The following AK7 variants were observed in gnomAD, a reference collection of about 807,000 sequenced individuals.
AK7 encodes ATP-AMP transphosphorylase 7.
In AK7, 78 loss-of-function variants were observed where a neutral mutation model predicts 96.6. The observed-to-expected ratio is 0.81, with a 90% CI of 0.67 to 0.97. The LOEUF (loss-of-function observed/expected upper bound fraction) is 0.97, where lower values mean the gene tolerates loss of function less well. AK7 is among the 50% of genes least tolerant of loss of function. The pLI, the probability that AK7 is intolerant of heterozygous loss-of-function variation, is 0.00. For synonymous variants in AK7, 302 were observed against 317.2 expected (o/e 0.95, Z 0.51); for missense variants, 855 against 887.9 (o/e 0.96, Z 0.47).
At chr14:96,393,414 CAG>C (rs1334320441) in intron 1 of AK7, among the ~76,000 whole-genome samples, 2 of 152,190 alleles carry the variant, frequency 1.3e-5, no homozygotes, top group African/African-American at 4.8e-5. Flanking sequence ...CCTTATAAAA[CAG>C]AAATTATTCT....
chr14:96,439,136 G>C (rs1026805744), intron 6 of AK7, among the ~76,000 whole-genome samples: 8 of 152,102 alleles, frequency 5.3e-5, no homozygotes, highest in African/African-American at 1.9e-4. Context: ...GTGATCATGG[G>C]GGAGGTCAGG....
intron 13 of AK7, among the ~76,000 whole-genome samples, chr14:96,472,287 G>A (rs769468477): frequency 6.6e-5 from 10 of 152,188 alleles, no homozygotes; most frequent in South Asian, 2.1e-4. Flanking sequence ...TCAGTCTCCC[G>A]AGTAGCTGGG....
At chr14:96,456,325 T>TC (rs774293220) in intron 10 of AK7, 22 bp from the exon 11 acceptor site, 3 of 1,605,272 alleles carry the variant, frequency 1.9e-6, no homozygotes, top group Non-Finnish European at 2.6e-6. Context: ...TGCTGTATGT[T>TC]CCTTACTCTC....
At chr14:96,409,968 C>A (rs1348402907) in intron 4 of AK7, among the ~76,000 whole-genome samples, 2 of 152,184 alleles carry the variant, frequency 1.3e-5, no homozygotes. Flanking sequence ...AGCGACATTG[C>A]CAGCGATTCC....
chr14:96,437,936 G>A (rs369947338), intron 6 of AK7, 21 bp downstream of exon 6: 128 of 1,602,868 alleles, frequency 8.0e-5, no homozygotes, highest in Middle Eastern at 1.6e-4. Flanking sequence ...CAATGATGAC[G>A]TGGAATGTTT....
At chr14:96,465,271 C>G (rs1894495321) in intron 12 of AK7, among the ~76,000 whole-genome samples, 1 of 152,026 alleles carries the variant, frequency 6.6e-6, no homozygotes, top group Non-Finnish European at 1.5e-5. Context: ...ACCATCCTAG[C>G]TAACATGGTG....
In AK7 at chr14:96,398,194, A is replaced by G. The variant is rs202102376; in HGVS notation, c.225A>G (p.Thr75=). ...EASSTKVKEG[T]FQIVGTLSKP... ...CCTCAACCAAAGTGAAGGAAGGCAC[A>G]TTCCAGATTGTGGGCACGCTGTCCA... Residue 75 remains threonine, a synonymous_variant, in exon 2 of 18, where the codon ACA becomes ACG. Coordinates refer to ENST00000267584, the MANE Select transcript of AK7 (RefSeq NM_152327.5). The G allele has an allele frequency of 5.0e-6, 8 of 1,614,140 alleles. No individual in the cohort carries two copies. The East Asian group carries it at 1.3e-4, about 27-fold the overall frequency.
chr14:96,418,438 C>T (rs1356881042), intron 4 of AK7, among the ~76,000 whole-genome samples: 5 of 149,116 alleles, frequency 3.4e-5, no homozygotes, highest in African/African-American at 1.2e-4. Context: ...CCTACCGCAT[C>T]CCCTACCAAT....
chr14:96,486,758 C>T (rs1895790433), intron 16 of AK7, 140 bp from the exon 17 acceptor site: 3 of 664,886 alleles, frequency 4.5e-6, no homozygotes, highest in Non-Finnish European at 7.3e-6. Context: ...TATGTCTTTT[C>T]TCTGCTGATT....
Position 96,392,273 on chromosome 14 carries a change from G to T in AK7, c.105+14G>T. On this transcript the variant is annotated intron_variant, in intron 1 of 17. Transcript: ENST00000267584. ...AACATCGGGAAGGTGAGCGGCGGCG[G>T]CGGCCCAGAGCCTCACGCCAGCTCT... is the stretch of plus-strand genomic sequence containing the variant. 1 of 1,600,182 alleles carries T rather than the reference G, an allele frequency of 6.2e-7. No homozygotes were observed. The highest frequency in any genetic ancestry group is 8.6e-7 in the Non-Finnish European group (1 of 1,167,878).
intron 10 of AK7, among the ~76,000 whole-genome samples, chr14:96,451,889 CAT>C (rs1893627151): frequency 6.6e-6 from 1 of 152,054 alleles, no homozygotes; most frequent in Non-Finnish European, 1.5e-5. Context: ...GCAAATTGCA[CAT>C]GATAGCAAGC....
At chr14:96,472,784 A>G in intron 14 of AK7, 29 bp downstream of exon 14, 3 of 1,580,984 alleles carry the variant, frequency 1.9e-6, no homozygotes, top group Non-Finnish European at 2.6e-6. Flanking sequence ...GATCACATTT[A>G]AAAGAATGTT....
At chr14:96,392,686 C>T (rs1263664372) in intron 1 of AK7, among the ~76,000 whole-genome samples, 2 of 151,274 alleles carry the variant, frequency 1.3e-5, no homozygotes, top group Non-Finnish European at 2.9e-5. Context: ...TTTTTTGAGA[C>T]GGAGCCTTGC....
chr14:96,420,245 C>G (rs911200282), intron 4 of AK7, among the ~76,000 whole-genome samples: 1 of 151,696 alleles, frequency 6.6e-6, no homozygotes, highest in Non-Finnish European at 1.5e-5. Flanking sequence ...GCCTGTAATC[C>G]CAGCACTTTG....
intron 8 of AK7, 106 bp downstream of exon 8, chr14:96,446,713 G>C: frequency 1.1e-6 from 1 of 912,280 alleles, no homozygotes; most frequent in South Asian, 1.5e-5. Flanking sequence ...GTCCGAGGCG[G>C]GTGGATCACC....
chr14:96,436,663 A>G (rs903970603), intron 5 of AK7, among the ~76,000 whole-genome samples: 6 of 152,018 alleles, frequency 3.9e-5, no homozygotes, highest in Non-Finnish European at 4.4e-5. Context: ...AAACAAACAA[A>G]CAAACAAAAA....
At chr14:96,458,586 C>T (rs967780463) in intron 12 of AK7, among the ~76,000 whole-genome samples, 1 of 151,678 alleles carries the variant, frequency 6.6e-6, no homozygotes, top group Non-Finnish European at 1.5e-5. Context: ...ACTAAAAATA[C>T]AAAAAATTAG....
chr14:96,460,338 G>A lies in AK7; in HGVS notation c.1357+2126G>A, dbSNP rs569901506. 3.3e-5 allele frequency among the ~76,000 whole-genome samples: 5 copies of A among 152,222 alleles called. No homozygotes were observed. In the South Asian group the frequency reaches 6.2e-4, roughly 19 times the overall value. ...ATCTAATGCAGTTTCTCCCCTTGCC[G>A]TCTTCTCAACCACCTTTATTTTCTC... On this transcript the variant is annotated intron_variant, in intron 12 of 17. Transcript: ENST00000267584.
chr14:96,430,093 G>A (rs1161075936), intron 5 of AK7, among the ~76,000 whole-genome samples: 2 of 152,000 alleles, frequency 1.3e-5, no homozygotes, highest in East Asian at 1.9e-4. Flanking sequence ...GATATTGGCT[G>A]TGGGTTTGTC....
Sources: allele counts gnomAD v4.1 joint callset (sites outside exome capture counted in the v4.1 genomes callset), GRCh38; gene constraint gnomAD v4.1.1; transcripts MANE v1.5; gene names NCBI Gene and HGNC (gene_info 2026-07-23, HGNC 2026-07-21).